Variants in SP140 observed in about 807,000 individuals in gnomAD.
SP140 encodes SP140 nuclear body protein.
Under a neutral mutation model 125.0 loss-of-function variants are expected in SP140, and 81 were observed. The observed-to-expected ratio is 0.65, with a 90% CI of 0.54 to 0.78. The LOEUF is 0.78. Ranked by LOEUF, SP140 falls within the 30% of genes least tolerant of loss-of-function variation. The pLI is 0.00. For synonymous variants in SP140, 312 were observed against 354.0 expected (o/e 0.88, Z 1.33); for missense variants, 858 against 1,037.0 (o/e 0.83, Z 2.37).
intron 12 of SP140, among the ~76,000 whole-genome samples, chr2:230,257,374 CAGTA>C (rs35643768): frequency 0.18 from 27,529 of 151,614 alleles, 2,871 homozygotes; most frequent in Non-Finnish European, 0.24. Flanking sequence ...GAGGAAGAGA[CAGTA>C]AGGGAGAGGA....
chr2:230,190,289 A>T, the SP140 span, among the ~76,000 whole-genome samples: 121,027 of 152,134 alleles, frequency 0.8, 48,250 homozygotes, highest in Admixed American at 0.84. Flanking sequence ...TTGATTTGCA[A>T]TTCTCTGATG....
At chr2:230,223,747 A>T (rs1302916747), upstream of SP140, among the ~76,000 whole-genome samples, 1 of 152,212 alleles carries the variant, frequency 6.6e-6, no homozygotes, top group Non-Finnish European at 1.5e-5. Context: ...AAATTACAGC[A>T]CTGGATTGTG....
chr2:230,279,138 A>G (rs900899741), intron 15 of SP140, among the ~76,000 whole-genome samples: 1 of 152,146 alleles, frequency 6.6e-6, no homozygotes, highest in Non-Finnish European at 1.5e-5. Flanking sequence ...TGCACACTGA[A>G]AACTATGACA....
At chr2:230,199,038 G>A (rs959880894), upstream of SP140, among the ~76,000 whole-genome samples, 10 of 151,904 alleles carry the variant, frequency 6.6e-5, no homozygotes, top group Admixed American at 1.3e-4. Context: ...GCCACATGCT[G>A]AGGATGATGG....
At chr2:230,231,767 C>T (rs144235058) in intron 1 of SP140, among the ~76,000 whole-genome samples, 210 of 151,882 alleles carry the variant, frequency 1.4e-3, no homozygotes, top group African/African-American at 4.8e-3. Context: ...AGTGCAGTGG[C>T]GTGGTCTCGG....
At chr2:230,212,473 T>C (rs2044600330) in intron 1 of SP140, 1 of 1,440,328 alleles carries the variant, frequency 6.9e-7, no homozygotes, top group Non-Finnish European at 9.8e-7. Context: ...AGGGACTGGA[T>C]GTCAGGGAGA....
rs138573667 is a variant in SP140 at position 230,238,044 on chromosome 2, G to T, written c.238-169G>T. Among the ~76,000 whole-genome samples, 383 of 152,254 alleles carry T rather than the reference G, an allele frequency of 2.5e-3. 2 individuals are homozygous for T. The highest frequency in any genetic ancestry group is 3.9e-3 in the Non-Finnish European group (267 of 68,012). Reference sequence around the variant, plus strand: ...GTGTACAACAATGTCAGAGAGTCAGGTTCAAAAAATTAGAGTGTATTTTTA... The same window carrying T: ...GTGTACAACAATGTCAGAGAGTCAGTTTCAAAAAATTAGAGTGTATTTTTA... On this transcript the variant is annotated intron_variant, in intron 2 of 26. Coordinates refer to ENST00000392045, the MANE Select transcript of SP140 (RefSeq NM_007237.5).
chr2:230,248,334 A>G (rs572018861), intron 8 of SP140, among the ~76,000 whole-genome samples: 2 of 152,314 alleles, frequency 1.3e-5, no homozygotes, highest in South Asian at 4.1e-4. Flanking sequence ...AGTGTCCTGG[A>G]TGTGTCACTG....
upstream of SP140, among the ~76,000 whole-genome samples, chr2:230,223,294 C>T (rs1204933130): frequency 1.3e-5 from 2 of 152,154 alleles, no homozygotes; most frequent in African/African-American, 2.4e-5. Context: ...CTCAGCCTCC[C>T]GAAGTGCTGG....
At chr2:230,298,715 TGCA>T (rs2149529902) in intron 22 of SP140, among the ~76,000 whole-genome samples, 1 of 152,358 alleles carries the variant, frequency 6.6e-6, no homozygotes, top group South Asian at 2.1e-4. Flanking sequence ...CATATTGTCC[TGCA>T]GCCTGGAATC....
At chr2:230,253,176 T>C in intron 10 of SP140, 140 bp from the exon 11 acceptor site, 2 of 652,996 alleles carry the variant, frequency 3.1e-6, no homozygotes, top group East Asian at 2.7e-5. Context: ...ACACTGAGAA[T>C]TAGAGAGAAG....
chr2:230,255,630 C>A, intron 12 of SP140, 98 bp downstream of exon 12: 1 of 1,034,236 alleles, frequency 9.7e-7, no homozygotes, highest in Non-Finnish European at 1.5e-6. Context: ...TCTGCATATA[C>A]CTCACAGTGA....
chr2:230,245,859 G>T lies in SP140; in HGVS notation c.665-4G>T, dbSNP rs972153861. On this transcript the variant is annotated splice_region_variant and splice_polypyrimidine_tract_variant and intron_variant, in intron 6 of 26. Transcript: ENST00000392045. Reference sequence around the variant, plus strand: ...GTCTGTCATGTTCCTCTTTCACTCTGCAGTGTCCTGTAAACTTGCTATACA... The same window carrying T: ...GTCTGTCATGTTCCTCTTTCACTCTTCAGTGTCCTGTAAACTTGCTATACA... 1.7e-5 allele frequency: 27 copies of T among 1,590,966 alleles called. No homozygotes were observed. Among genetic ancestry groups the T allele is most frequent in the Non-Finnish European group, 2.2e-5 (26 of 1,159,044 alleles).
intron 14 of SP140, 149 bp from the exon 15 acceptor site, chr2:230,270,437 G>A (rs754893939): frequency 2.6e-5 from 20 of 758,854 alleles, no homozygotes; most frequent in Non-Finnish European, 3.4e-5. Flanking sequence ...TTCTCAGTTC[G>A]GTGGGTTTTT....
intron 1 of SP140, chr2:230,212,257 G>A: frequency 1.1e-6 from 1 of 949,222 alleles, no homozygotes. Flanking sequence ...TTTTTCCCAG[G>A]GTTCCCACCA....
rs1185416369 is a variant in SP140 at position 230,309,916 on chromosome 2, T to C, written c.2059-8T>C. 9.3e-6 allele frequency: 15 copies of C among 1,613,232 alleles called. No individual in the cohort carries two copies. The highest frequency in any genetic ancestry group is 2.2e-5 in the East Asian group (1 of 44,894). On this transcript the variant is annotated splice_polypyrimidine_tract_variant and splice_region_variant and intron_variant, in intron 22 of 26. Transcript: ENST00000392045. ...TCCCAGTGACGTGGACACTGTTTTA[T>C]CTTCTAGATGAGAAACCTGGATGAG...
rs576089269 is a variant in SP140, at chr2:230,280,554, G to A, written c.1499-3792G>A. 5.3e-5 allele frequency among the ~76,000 whole-genome samples: 8 copies of A among 151,870 alleles called. No homozygotes were observed. The South Asian group carries it at 1.2e-3, about 24-fold the overall frequency. ...TGACCATTCTCTATTTGTATCTTTC[G>A]TGTCTCCTTCCTGCTTTTTAATGGA... On this transcript the variant is annotated intron_variant, in intron 15 of 26. Coordinates refer to ENST00000392045, the MANE Select transcript of SP140 (RefSeq NM_007237.5).
the SP140 span, among the ~76,000 whole-genome samples, chr2:230,191,787 GC>G: frequency 4.6e-5 from 7 of 152,104 alleles, no homozygotes; most frequent in Non-Finnish European, 7.3e-5. Flanking sequence ...ATTTTATGAA[GC>G]CAGCATCATC....
Position 230,248,890 on chromosome 2 carries a change from T to G in SP140, c.898T>G (p.Phe300Val), listed in dbSNP as rs1409754312. The G allele has an allele frequency of 6.2e-7, 1 of 1,611,922 alleles. No homozygotes were observed. The highest frequency in any genetic ancestry group is 8.5e-7 in the Non-Finnish European group (1 of 1,178,140). Residue 300 changes from phenylalanine (F) to valine (V), a missense_variant, in exon 9 of 27, where the codon TTT (phenylalanine) becomes GTT (valine). By Grantham distance (50) the Phe-to-Val change is conservative (BLOSUM62 -1). This residue lies in a region of SP140 where 791 missense variants were observed against 869.5 expected (regional missense o/e 0.91). Transcript: ENST00000392045. ...AATTTCTTGTTTATCTGCAGAGACC[T>G]TTGATCTAAAAACTCCCCAAGTCAC... ...ESPEGRDKET[F>V]DLKTPQVTNE...
Sources: allele counts gnomAD v4.1 joint callset (sites outside exome capture counted in the v4.1 genomes callset), GRCh38; gene constraint gnomAD v4.1.1; regional missense constraint gnomAD v4.1.1; transcripts MANE v1.5; gene names NCBI Gene and HGNC (gene_info 2026-07-23, HGNC 2026-07-21).